GRIN2B: variants seen among roughly 807,000 people sequenced by gnomAD.
GRIN2B encodes the protein glutamate receptor ionotropic, NMDA 2B.
Under a neutral mutation model 114.5 loss-of-function variants are expected in GRIN2B, and 5 were observed. That is an observed-to-expected ratio of 0.04 (90% confidence interval 0.02 to 0.09). The LOEUF (loss-of-function observed/expected upper bound fraction) is 0.09, where lower values mean the gene tolerates loss of function less well. Ranked by LOEUF, GRIN2B falls within the 10% of genes least tolerant of loss-of-function variation. GRIN2B has a pLI of 1.00. For missense variants in GRIN2B, 1,108 were observed against 1,943.5 expected (o/e 0.57, Z 8.08); for synonymous variants, 787 against 745.1 (o/e 1.06, Z -0.92).
intron 4 of GRIN2B, among the ~76,000 whole-genome samples, chr12:13,731,094 C>T (rs1364581918): frequency 1.3e-5 from 2 of 152,178 alleles, no homozygotes; most frequent in African/African-American, 4.8e-5. Context: ...TCTCCTGAGA[C>T]AACTCAGCTT....
intron 4 of GRIN2B, among the ~76,000 whole-genome samples, chr12:13,729,044 T>C (rs1380579345): frequency 6.6e-6 from 1 of 152,212 alleles, no homozygotes; most frequent in African/African-American, 2.4e-5. Context: ...AATGGTATTC[T>C]CACTTACGGT....
chr12:13,793,616 G>C (rs1057045127), intron 3 of GRIN2B, among the ~76,000 whole-genome samples: 1 of 152,092 alleles, frequency 6.6e-6, no homozygotes, highest in South Asian at 2.1e-4. Flanking sequence ...TTCCTAATTC[G>C]AATCCACTCC....
intron 4 of GRIN2B, among the ~76,000 whole-genome samples, chr12:13,691,409 G>C (rs1950214195): frequency 6.6e-6 from 1 of 152,200 alleles, no homozygotes; most frequent in Admixed American, 6.6e-5. Flanking sequence ...TTATGAATAA[G>C]TCTCTCTGAA....
intron 5 of GRIN2B, among the ~76,000 whole-genome samples, chr12:13,619,729 T>C (rs1439061633): frequency 6.6e-6 from 1 of 152,244 alleles, no homozygotes; most frequent in East Asian, 1.9e-4. Flanking sequence ...AATCTCATTA[T>C]ATCACAGTGA....
rs183335718 is a variant in GRIN2B, at chr12:13,824,048, T to C, written c.411+41750A>G. 8.5e-5 allele frequency among the ~76,000 whole-genome samples: 13 copies of C among 152,322 alleles called. No homozygotes were observed. The East Asian group carries it at 2.3e-3, about 27-fold the overall frequency. ...CTGGATTTCCATTAACTAATGTTTT[T>C]TGAAGATTTTTGCTCCTATATTCAT... On this transcript the variant is annotated intron_variant, in intron 3 of 13. Transcript: ENST00000609686.
Position 13,895,542 on chromosome 12 carries a change from C to G in GRIN2B, c.-18-29316G>C, listed in dbSNP as rs74069223. ...GTCTGTTTTGTTAGTGTTTTAAGAT[C>G]AAAACAGGTCTTTCCAAAGTTTGAA... is the stretch of plus-strand genomic sequence containing the variant. On this transcript the variant is annotated intron_variant, in intron 2 of 13. Transcript: ENST00000609686. Among the ~76,000 whole-genome samples, 384 of 152,144 alleles carry G rather than the reference C, an allele frequency of 2.5e-3. 2 individuals are homozygous for G. Among genetic ancestry groups the G allele is most frequent in the African/African-American group, 8.8e-3 (365 of 41,534 alleles).
intron 5 of GRIN2B, among the ~76,000 whole-genome samples, chr12:13,663,140 C>T (rs532691402): frequency 6.6e-5 from 10 of 152,200 alleles, no homozygotes; most frequent in Middle Eastern, 3.4e-3. Context: ...AACTGTGAAA[C>T]GCTATTCAGT....
chr12:13,765,050 C>T (rs1354662111), intron 3 of GRIN2B, among the ~76,000 whole-genome samples: 1 of 152,228 alleles, frequency 6.6e-6, no homozygotes, highest in Non-Finnish European at 1.5e-5. Context: ...ATCAGGCTCA[C>T]ATCGGCCAAC....
intron 2 of GRIN2B, among the ~76,000 whole-genome samples, chr12:13,905,678 G>A (rs1266095919): frequency 6.6e-6 from 1 of 152,092 alleles, no homozygotes; most frequent in African/African-American, 2.4e-5. Context: ...TCTGCCAGGT[G>A]CTTAAAAGAA....
chr12:13,902,040 A>G (rs568345673), intron 2 of GRIN2B, among the ~76,000 whole-genome samples: 6 of 152,252 alleles, frequency 3.9e-5, no homozygotes, highest in African/African-American at 1.4e-4. Context: ...GAAGTTTTCT[A>G]TTCCATTTCA....
At position 13,586,742 on chromosome 12, in the gene GRIN2B, T is replaced by A. The variant is rs74490567; in HGVS notation, c.2011-14778A>T. Among the ~76,000 whole-genome samples the A allele has an allele frequency of 1.1e-3, 170 of 152,346 alleles. 1 individual carries two copies. In the East Asian group the frequency reaches 0.029, roughly 26 times the overall value. ...GAAACCACAAGGTGAGAAAATTCTA[T>A]CTGGGATTCTAAATGTCAAATATTT... On this transcript the variant is annotated intron_variant, in intron 10 of 13. Coordinates refer to ENST00000609686, the MANE Select transcript of GRIN2B (RefSeq NM_000834.5).
At position 13,569,840 on chromosome 12, in the gene GRIN2B, G is replaced by C. The variant is rs775448236; in HGVS notation, c.2349C>G (p.Leu783=). ...KRQVDLAILQ[L]FGDGEMEELE... is the part of the protein sequence containing the mutation. ...CTTTCTTGAACTCACCATCTCCAAA[G>C]AGCTGCAGGATAGCAAGGTCCACCT... Residue 783 remains leucine, a synonymous_variant, in exon 12 of 14, where the codon CTC becomes CTG. Transcript: ENST00000609686. 2 of 1,600,824 alleles carry C rather than the reference G, an allele frequency of 1.2e-6. No homozygotes were observed. Among genetic ancestry groups the C allele is most frequent in the East Asian group, 2.2e-5 (1 of 44,630 alleles).
At chr12:13,864,773 G>A (rs60289418) in intron 3 of GRIN2B, among the ~76,000 whole-genome samples, 1,930 of 152,282 alleles carry the variant, frequency 0.013, 41 homozygotes, top group African/African-American at 0.045. Flanking sequence ...GGAGAGGCTA[G>A]GATTTGTTGG....
intron 5 of GRIN2B, among the ~76,000 whole-genome samples, chr12:13,662,524 A>G (rs1949934668): frequency 6.6e-6 from 1 of 152,176 alleles, no homozygotes; most frequent in South Asian, 2.1e-4. Flanking sequence ...CGTATATGGC[A>G]CTATCTGAAA....
chr12:13,786,571 C>T (rs1864224932), intron 3 of GRIN2B, among the ~76,000 whole-genome samples: 1 of 152,046 alleles, frequency 6.6e-6, no homozygotes, highest in Admixed American at 6.5e-5. Flanking sequence ...AGAAAGCAGA[C>T]CTGCCATTGG....
At chr12:13,596,881 C>G (rs1429136021) in intron 10 of GRIN2B, among the ~76,000 whole-genome samples, 1 of 152,186 alleles carries the variant, frequency 6.6e-6, no homozygotes, top group East Asian at 1.9e-4. Flanking sequence ...TCCAAGAAGC[C>G]AGGCCAGAGA....
chr12:13,753,217 G>T lies in GRIN2B; in HGVS notation c.1010+100C>A. On this transcript the variant is annotated intron_variant, in intron 4 of 13. Transcript: ENST00000609686. The surrounding 1 kb of genome is among the most constrained non-coding windows in gnomAD (Gnocchi z 6.2). ...CAAGGCCAGGCTTCAACCTGCTACCGTCTTGAACTGTTCTTCCTGCAGTTT... is the reference window on the plus strand; with the variant it reads ...CAAGGCCAGGCTTCAACCTGCTACCTTCTTGAACTGTTCTTCCTGCAGTTT... 1 of 820,498 alleles carries T rather than the reference G, an allele frequency of 1.2e-6. No homozygotes were observed. Among genetic ancestry groups the T allele is most frequent in the Non-Finnish European group, 2.2e-6 (1 of 461,070 alleles). The allele number at this position is 820,498 out of a possible 1,614,324, so 50.8% of individuals were successfully genotyped here. A position where few individuals can be genotyped will look rare whatever the true frequency, so the allele number is the denominator to read the frequency against.
intron 2 of GRIN2B, among the ~76,000 whole-genome samples, chr12:13,923,965 G>T (rs138168226): frequency 1.3e-5 from 2 of 152,262 alleles, no homozygotes; most frequent in South Asian, 2.1e-4. Context: ...CCACTCTCTT[G>T]TAAGGAGAAT....
chr12:13,610,535 C>T lies in GRIN2B; in HGVS notation c.1780+1190G>A, dbSNP rs1949355318. ...CTGGATGAAGCACAGGTGGAAGGCC[C>T]CTGATTGTACCATGCCATGGAGACA... is the stretch of plus-strand genomic sequence containing the variant. On this transcript the variant is annotated intron_variant, in intron 9 of 13. Coordinates refer to ENST00000609686, the MANE Select transcript of GRIN2B (RefSeq NM_000834.5). Among the ~76,000 whole-genome samples the T allele has an allele frequency of 3.3e-5, 5 of 152,106 alleles. No individual in the cohort carries two copies. The South Asian group carries it at 1.0e-3, about 32-fold the overall frequency.
Sources: allele counts gnomAD v4.1 joint callset (sites outside exome capture counted in the v4.1 genomes callset), GRCh38; gene constraint gnomAD v4.1.1; non-coding constraint Gnocchi (gnomAD v3.1); transcripts MANE v1.5; gene names NCBI Gene and HGNC (gene_info 2026-07-23, HGNC 2026-07-21).